Variants in ACACB observed in about 807,000 individuals in gnomAD.
The protein encoded by ACACB is acetyl-CoA carboxylase 2.
Under a neutral mutation model 278.8 loss-of-function variants are expected in ACACB, and 209 were observed. The observed-to-expected ratio is 0.75, with a 90% CI of 0.67 to 0.84. The LOEUF (loss-of-function observed/expected upper bound fraction) is 0.84. ACACB is among the 40% of genes least tolerant of loss of function. The pLI is 0.00. For synonymous variants in ACACB, 1,174 were observed against 1,285.6 expected, an observed-to-expected ratio of 0.91 and a Z score of 1.86; for missense variants, 2,850 against 3,269.0, an observed-to-expected ratio of 0.87 and a Z score of 3.13.
At chr12:109,171,340 TTACATTTTC>T (rs2044107577) in intron 4 of ACACB, among the ~76,000 whole-genome samples, 1 of 151,110 alleles carries the variant, frequency 6.6e-6, no homozygotes, top group African/African-American at 2.5e-5. Flanking sequence ...TTCATTTTCT[TTACATTTTC>T]TTTCTTTTTT....
At chr12:109,123,642 A>G (rs558256361) in intron 1 of ACACB, among the ~76,000 whole-genome samples, 4 of 150,490 alleles carry the variant, frequency 2.7e-5, no homozygotes, top group South Asian at 2.1e-4. Flanking sequence ...GCATTGAGCC[A>G]AGATTGTGCC....
chr12:109,200,020 A>T (rs1278122864), intron 18 of ACACB, among the ~76,000 whole-genome samples: 1 of 148,424 alleles, frequency 6.7e-6, no homozygotes, highest in Non-Finnish European at 1.5e-5. Context: ...CGACAGAGAA[A>T]GACTCCGTCT....
In ACACB at chr12:109,212,983, C is replaced by T. The variant is rs539167413; in HGVS notation, c.3350+47C>T. 85 of 1,530,870 alleles carry T rather than the reference C, an allele frequency of 5.6e-5. No homozygotes were observed. In the South Asian group the frequency reaches 7.4e-4, roughly 13 times the overall value. The allele number at this position is 1,530,870 out of a possible 1,614,324, so 94.8% of individuals were successfully genotyped here. On this transcript the variant is annotated intron_variant, in intron 22 of 52. Coordinates refer to ENST00000338432, the MANE Select transcript of ACACB (RefSeq NM_001093.4). ...AGGATGTGGTTGTCACCTGAATCGT[C>T]GCATGCATTGCACCAGGGTGGTGCT...
Position 109,247,723 on chromosome 12 carries a change from G to C in ACACB, c.5669+20G>C, listed in dbSNP as rs763786619. The stretch of plus-strand genomic sequence containing the variant: ...GTCCAGGTAAATAACTTATCAGGTA[G>C]CTCCTTAATTTTGCTCATGGTTAAT... On this transcript the variant is annotated intron_variant, in intron 40 of 52. Coordinates refer to ENST00000338432, the MANE Select transcript of ACACB (RefSeq NM_001093.4). The C allele has an allele frequency of 2.5e-6, 4 of 1,588,708 alleles. No individual in the cohort carries two copies. The Admixed American group carries it at 6.7e-5, about 27-fold the overall frequency.
At chr12:109,208,086 G>A (rs2045574313) in intron 20 of ACACB, among the ~76,000 whole-genome samples, 1 of 152,228 alleles carries the variant, frequency 6.6e-6, no homozygotes, top group Admixed American at 6.5e-5. Context: ...GGGACACAGA[G>A]ACTAAGAGAC....
rs1203304904 is a variant in ACACB, at chr12:109,235,344, G to A, written c.4379G>A (p.Arg1460Gln). 2.5e-6 allele frequency: 4 copies of A among 1,614,072 alleles called. No homozygotes were observed. Among genetic ancestry groups the A allele is most frequent in the East Asian group, 2.2e-5 (1 of 44,876 alleles). Residue 1460 changes from arginine to glutamine, a missense_variant, in exon 32 of 53, where the codon CGA becomes CAA. Around this residue, in one of 3 missense-constraint regions of ACACB, gnomAD observed 2,265 missense variants for 2,561.3 expected, o/e 0.88. Transcript: ENST00000338432. ...ATCCTTGTGGATTATGGACTCCGAC[G>A]AATCACATTCTTGATTGCCCAAGAG... ...KNILVDYGLRRITFLIAQEKE... is the reference protein window; with the variant it reads ...KNILVDYGLRQITFLIAQEKE...
chr12:109,222,595 G>C lies in ACACB; in HGVS notation c.3653G>C (p.Cys1218Ser), dbSNP rs1224691339. The change falls in exon 25 of 53, where the codon TGC (cysteine) becomes TCC (serine). Residue 1218 changes from cysteine (C) to serine (S), a missense_variant. Around this residue, in one of 3 missense-constraint regions of ACACB, gnomAD observed 2,265 missense variants for 2,561.3 expected, o/e 0.88. Coordinates refer to ENST00000338432, the MANE Select transcript of ACACB (RefSeq NM_001093.4). ...ACTCAGCTGAGCAAAAGCGAGCACT[G>C]CAAAGTGGCCCTCAGAGCCCGGCAG... ...ELTQLSKSEH[C>S]KVALRARQIL... 3 of 1,614,076 alleles carry C rather than the reference G, an allele frequency of 1.9e-6. No homozygotes were observed. In the African/African-American group the frequency reaches 4.0e-5, roughly 22 times the overall value.
intron 13 of ACACB, among the ~76,000 whole-genome samples, chr12:109,189,050 A>G (rs868473516): frequency 9.8e-5 from 15 of 152,328 alleles, no homozygotes; most frequent in Middle Eastern, 3.4e-3. Context: ...TGCAGAGCTG[A>G]GAAGCCCACA....
intron 12 of ACACB, among the ~76,000 whole-genome samples, chr12:109,186,734 A>G (rs1203789889): frequency 6.6e-6 from 1 of 152,080 alleles, no homozygotes; most frequent in African/African-American, 2.4e-5. Context: ...AGCTGTATTC[A>G]TTTAGGGTTC....
At chr12:109,158,477 G>A (rs1593428005) in intron 2 of ACACB, among the ~76,000 whole-genome samples, 1 of 151,868 alleles carries the variant, frequency 6.6e-6, no homozygotes, top group Admixed American at 6.6e-5. Flanking sequence ...AGGAGTTTGA[G>A]ACCAGTCTGG....
At chr12:109,134,212 G>T (rs1034155102) in intron 1 of ACACB, among the ~76,000 whole-genome samples, 4 of 152,192 alleles carry the variant, frequency 2.6e-5, no homozygotes, top group African/African-American at 7.2e-5. Context: ...AACCGAACAA[G>T]CCACTTCCAT....
Position 109,258,314 on chromosome 12 carries a change from G to A in ACACB, c.6310G>A (p.Val2104Met), listed in dbSNP as rs768285792. Residue 2104 changes from valine to methionine, a missense_variant, in exon 46 of 53, where the codon GTG (valine) becomes ATG (methionine). Val to Met is a conservative substitution (Grantham distance 21). Coordinates refer to ENST00000338432, the MANE Select transcript of ACACB (RefSeq NM_001093.4). ...AGTGATTGCTGTGGAGACACGGACT[G>A]TGGAGGTGGCAGTCCCTGCAGACCC... Reference protein sequence around the residue: ...VGVIAVETRTVEVAVPADPAN... With the variant: ...VGVIAVETRTMEVAVPADPAN... The A allele has an allele frequency of 1.9e-5, 31 of 1,612,606 alleles. No homozygotes were observed. The South Asian group carries it at 3.2e-4, about 17-fold the overall frequency.
chr12:109,171,125 A>T (rs1486697604), intron 4 of ACACB, among the ~76,000 whole-genome samples: 1 of 143,562 alleles, frequency 7.0e-6, no homozygotes, highest in African/African-American at 2.6e-5. Context: ...AAGTGCTGGG[A>T]TGTCAGGCGT....
chr12:109,168,320 A>T (rs1039782939), intron 4 of ACACB, among the ~76,000 whole-genome samples: 1 of 152,160 alleles, frequency 6.6e-6, no homozygotes, highest in African/African-American at 2.4e-5. Context: ...CTGCAGGTGT[A>T]TGTAATTGTA....
At position 109,201,657 on chromosome 12, in the gene ACACB, G is replaced by A. The variant is rs147358100; in HGVS notation, c.2869G>A (p.Val957Met). 222 of 1,614,220 alleles carry A rather than the reference G, an allele frequency of 1.4e-4. 1 individual carries two copies. In the African/African-American group the frequency reaches 1.7e-3, roughly 12 times the overall value. ...AGGTGCCGTGCTGGAAGCAGGCTGC[G>A]TGGTGGCCAGGCTGGAGCTCGATGA... ...RPGAVLEAGC[V>M]VARLELDDPS... The change falls in exon 19 of 53, where the codon GTG becomes ATG. Residue 957 changes from valine (V) to methionine (M), a missense_variant. This residue lies in a region of ACACB where 2,265 missense variants were observed against 2,561.3 expected (regional missense o/e 0.88). Transcript: ENST00000338432.
intron 6 of ACACB, among the ~76,000 whole-genome samples, chr12:109,173,698 C>A (rs2044189752): frequency 6.6e-6 from 1 of 152,290 alleles, no homozygotes; most frequent in Non-Finnish European, 1.5e-5. Flanking sequence ...CTGCTTTCAC[C>A]CAACACTGGC....
chr12:109,235,717 G>T, intron 33 of ACACB, 70 bp downstream of exon 33: 1 of 1,425,124 alleles, frequency 7.0e-7, no homozygotes. Flanking sequence ...ATGGGATGGG[G>T]CCGGGTGTGG....
intron 21 of ACACB, among the ~76,000 whole-genome samples, chr12:109,211,013 G>A (rs946535727): frequency 9.9e-5 from 15 of 151,614 alleles, no homozygotes; most frequent in South Asian, 4.1e-4. Flanking sequence ...TTTACACATC[G>A]GCCTCGCGTT....
rs1340487891 is a variant in ACACB, at chr12:109,253,097, C to T, written c.5984C>T (p.Thr1995Ile). ...IMHYNGVSHI[T>I]VPDDFEGVYT... ...CATTACAATGGTGTCTCCCACATCACCGTGCCAGATGACTTTGAGGGGGTT... is the reference window on the plus strand; with the variant it reads ...CATTACAATGGTGTCTCCCACATCATCGTGCCAGATGACTTTGAGGGGGTT... Residue 1995 changes from threonine to isoleucine, a missense_variant, in exon 43 of 53, where the codon ACC becomes ATC. By Grantham distance (89) the Thr-to-Ile change is moderately conservative. Around this residue, in one of 3 missense-constraint regions of ACACB, gnomAD observed 579 missense variants for 684.6 expected, o/e 0.85. Transcript: ENST00000338432. 1.2e-6 allele frequency: 2 copies of T among 1,613,496 alleles called. No homozygotes were observed. Among genetic ancestry groups the T allele is most frequent in the Non-Finnish European group, 1.7e-6 (2 of 1,179,680 alleles).
Sources: gnomAD v4.1 joint callset for allele counts (sites outside exome capture counted in the v4.1 genomes callset) on GRCh38, gnomAD v4.1.1 for gene constraint, gnomAD v4.1.1 regional missense constraint, MANE v1.5 for transcripts, NCBI Gene and HGNC (gene_info 2026-07-23, HGNC 2026-07-21) for gene names.